The following CATSPERT variants were observed in gnomAD, a reference collection of about 807,000 sequenced individuals.
CATSPERT encodes the protein cation channel sperm-associated targeting subunit tau.
chr2:201,588,263 A>C, the CATSPERT span, among the ~76,000 whole-genome samples: 1 of 152,064 alleles, frequency 6.6e-6, no homozygotes, highest in Non-Finnish European at 1.5e-5. Context: ...TGGCAAACTG[A>C]ATTTAGCAGC....
At chr2:201,493,422 G>A in the CATSPERT span, 1 of 1,537,020 alleles carries the variant, frequency 6.5e-7, no homozygotes, top group Non-Finnish European at 8.7e-7. Context: ...AATACTCTTG[G>A]GAATCCTTTA....
At chr2:201,492,472 A>C in the CATSPERT span, 1 of 1,534,358 alleles carries the variant, frequency 6.5e-7, no homozygotes, top group Non-Finnish European at 8.7e-7. Context: ...GTTTATTTCA[A>C]ACCTTCTACC....
At chr2:201,611,657 T>G in the CATSPERT span, among the ~76,000 whole-genome samples, 1 of 150,542 alleles carries the variant, frequency 6.6e-6, no homozygotes, top group Non-Finnish European at 1.5e-5. Flanking sequence ...TAAACATTAA[T>G]GAAACTAAGG....
chr2:201,580,113 T>G, the CATSPERT span, among the ~76,000 whole-genome samples: 1 of 152,196 alleles, frequency 6.6e-6, no homozygotes, highest in Non-Finnish European at 1.5e-5. Context: ...CCTAAAGTGC[T>G]AGGATTACAG....
the CATSPERT span, among the ~76,000 whole-genome samples, chr2:201,525,161 T>C: frequency 6.6e-6 from 1 of 152,162 alleles, no homozygotes. Context: ...AGAATATACA[T>C]TCTTCTCATG....
the CATSPERT span, among the ~76,000 whole-genome samples, chr2:201,513,874 C>G: frequency 9.2e-5 from 14 of 152,052 alleles, no homozygotes; most frequent in Admixed American, 4.6e-4. Context: ...GTTTTCTGAC[C>G]AAGTAGAATT....
the CATSPERT span, among the ~76,000 whole-genome samples, chr2:201,559,117 A>G: frequency 6.6e-6 from 1 of 152,176 alleles, no homozygotes; most frequent in Admixed American, 6.5e-5. Flanking sequence ...CTATGCACCC[A>G]TGCTCAGGAC....
chr2:201,607,529 C>T, the CATSPERT span, among the ~76,000 whole-genome samples: 1 of 152,108 alleles, frequency 6.6e-6, no homozygotes, highest in African/African-American at 2.4e-5. Flanking sequence ...TGTGATGGCA[C>T]ATGCCTGTGG....
At chr2:201,555,766 C>T in the CATSPERT span, 2 of 152,126 alleles carry the variant, frequency 1.3e-5, no homozygotes, top group Non-Finnish European at 2.9e-5. Flanking sequence ...ATTAGCTAGC[C>T]TAACCAATCT....
chr2:201,618,989 C>A, the CATSPERT span: 1 of 1,614,036 alleles, frequency 6.2e-7, no homozygotes, highest in Non-Finnish European at 8.5e-7. Flanking sequence ...ACCGAAGAAG[C>A]CTCCGACCCT....
chr2:201,598,620 T>G, the CATSPERT span, among the ~76,000 whole-genome samples: 1 of 151,990 alleles, frequency 6.6e-6, no homozygotes, highest in Non-Finnish European at 1.5e-5. Flanking sequence ...CTCACTTTGT[T>G]GCCCAGGCTG....
chr2:201,510,865 T>C, the CATSPERT span, among the ~76,000 whole-genome samples: 2 of 152,182 alleles, frequency 1.3e-5, no homozygotes, highest in East Asian at 1.9e-4. Context: ...TTTGACCACA[T>C]AGATGTTTAA....
chr2:201,543,198 A>G, the CATSPERT span, among the ~76,000 whole-genome samples: 2 of 152,066 alleles, frequency 1.3e-5, no homozygotes, highest in African/African-American at 4.8e-5. Context: ...TCTCTCTTCT[A>G]TTCTATTGAT....
chr2:201,578,597 T>G, the CATSPERT span, among the ~76,000 whole-genome samples: 1 of 152,162 alleles, frequency 6.6e-6, no homozygotes, highest in Non-Finnish European at 1.5e-5. Context: ...TTTATGTTTA[T>G]AAGAATGAAT....
the CATSPERT span, among the ~76,000 whole-genome samples, chr2:201,598,801 G>C: frequency 6.6e-6 from 1 of 151,974 alleles, no homozygotes; most frequent in Non-Finnish European, 1.5e-5. Context: ...GGCTGGTCTC[G>C]AACTCCTGAC....
the CATSPERT span, among the ~76,000 whole-genome samples, chr2:201,616,324 C>T: frequency 6.6e-6 from 1 of 152,172 alleles, no homozygotes; most frequent in Non-Finnish European, 1.5e-5. Context: ...CACTGGCAAA[C>T]CGAATCCAGC....
At chr2:201,491,990 G>A in the CATSPERT span, 2 of 1,536,912 alleles carry the variant, frequency 1.3e-6, no homozygotes, top group South Asian at 2.4e-5. Context: ...GAAGAAGGTT[G>A]TACTTTGATT....
chr2:201,571,554 T>C, the CATSPERT span, among the ~76,000 whole-genome samples: 4 of 152,220 alleles, frequency 2.6e-5, no homozygotes, highest in Non-Finnish European at 5.9e-5. Context: ...AACATTACTA[T>C]ACCGCAGAGC....
At chr2:201,517,050 C>T in the CATSPERT span, among the ~76,000 whole-genome samples, 5 of 151,604 alleles carry the variant, frequency 3.3e-5, no homozygotes. Context: ...GCACATGCTG[C>T]TATAGCTCTA....
Sources: allele counts gnomAD v4.1 joint callset (sites outside exome capture counted in the v4.1 genomes callset), GRCh38; gene constraint gnomAD v4.1.1; transcripts MANE v1.5; gene names NCBI Gene and HGNC (gene_info 2026-07-23, HGNC 2026-07-21).